Variants in CRKL observed in about 807,000 individuals in gnomAD.
CRKL encodes crk-like protein.
Under a neutral mutation model 23.0 loss-of-function variants are expected in CRKL, and 3 were observed. That is an observed-to-expected ratio of 0.13 (90% CI 0.06 to 0.34). The LOEUF (loss-of-function observed/expected upper bound fraction) is 0.34. Among genes scored for constraint, CRKL ranks in the 10% least tolerant of loss-of-function variants. CRKL has a pLI of 1.00. For synonymous variants in CRKL, 188 were observed against 160.7 expected (o/e 1.17, Z -1.28); for missense variants, 256 against 394.5 (o/e 0.65, Z 2.97).
Position 20,934,127 on chromosome 22 carries a change from C to T in CRKL, c.660C>T (p.Ser220=), listed in dbSNP as rs763765173. Reference sequence around the variant, plus strand: ...CCACAACTCCTCTACCTGCAGTTTCCGGTTCTCCTGGGGCAGCAATCACCC... The same window carrying T: ...CCACAACTCCTCTACCTGCAGTTTCTGGTTCTCCTGGGGCAGCAATCACCC... ...PQTTTPLPAV[S]GSPGAAITPL... The change falls in exon 2 of 3, where the codon TCC becomes TCT. Residue 220 remains serine, a synonymous_variant. Transcript: ENST00000354336. The T allele has an allele frequency of 1.9e-5, 30 of 1,614,060 alleles. No individual in the cohort carries two copies. The highest frequency in any genetic ancestry group is 1.1e-4 in the East Asian group (5 of 44,902).
At chr22:20,927,156 T>C (rs891985826) in intron 1 of CRKL, among the ~76,000 whole-genome samples, 2 of 140,662 alleles carry the variant, frequency 1.4e-5, no homozygotes, top group Non-Finnish European at 3.0e-5. Context: ...TTAAAGCAGT[T>C]TCACTAGAGA....
intron 1 of CRKL, 37 bp from the exon 2 acceptor site, chr22:20,933,742 G>GA (rs772975472): frequency 6.5e-7 from 1 of 1,545,084 alleles, no homozygotes; most frequent in Non-Finnish European, 8.8e-7. Flanking sequence ...CTTAGAGTAA[G>GA]ATTTTTCTCT....
chr22:20,942,676 A>G (rs924057241), intron 2 of CRKL, among the ~76,000 whole-genome samples: 3 of 151,818 alleles, frequency 2.0e-5, no homozygotes, highest in African/African-American at 7.3e-5. Context: ...GCTGGAGTGC[A>G]GTGGCACCAT....
At chr22:20,937,174 A>G (rs1921695580) in intron 2 of CRKL, among the ~76,000 whole-genome samples, 1 of 152,038 alleles carries the variant, frequency 6.6e-6, no homozygotes, top group Non-Finnish European at 1.5e-5. Flanking sequence ...TTTCTCACCC[A>G]CACACAGACC....
intron 2 of CRKL, among the ~76,000 whole-genome samples, chr22:20,936,606 C>T (rs1214526756): frequency 6.6e-6 from 1 of 152,170 alleles, no homozygotes; most frequent in Non-Finnish European, 1.5e-5. Context: ...CCACCTCGGC[C>T]TCCCAAAGTG....
At chr22:20,944,139 CTTTTTTTTT>C (rs57177824) in intron 2 of CRKL, among the ~76,000 whole-genome samples, 2 of 105,846 alleles carry the variant, frequency 1.9e-5, no homozygotes, top group Admixed American at 2.1e-4. Context: ...GTAGTATTAG[CTTTTTTTTT>C]TTTTTTTTTT....
At chr22:20,927,128 A>AAAAAAAAAAAG (rs1555918902) in intron 1 of CRKL, among the ~76,000 whole-genome samples, 7 of 125,792 alleles carry the variant, frequency 5.6e-5, no homozygotes, top group African/African-American at 1.2e-4. Flanking sequence ...AAAAAAAAAA[A>AAAAAAAAAAAG]AAAAAAAAGA....
chr22:20,939,521 C>G (rs1921787484), intron 2 of CRKL, among the ~76,000 whole-genome samples: 1 of 151,994 alleles, frequency 6.6e-6, no homozygotes, highest in Non-Finnish European at 1.5e-5. Context: ...GCTGGGATTA[C>G]AGGCGTGAGC....
intron 1 of CRKL, among the ~76,000 whole-genome samples, chr22:20,918,545 C>T (rs1001362088): frequency 6.6e-6 from 1 of 150,662 alleles, no homozygotes; most frequent in African/African-American, 2.4e-5. Context: ...GTGACTTTCT[C>T]TGGGTGTAAT....
Position 20,950,747 on chromosome 22 carries a change from G to A in CRKL, c.*902G>A. On this transcript the variant is annotated 3_prime_UTR_variant, in exon 3 of 3. Transcript: ENST00000354336. ...TGTGTTCTAAACAGGTTAAGTAGCA[G>A]GTTGGGTTTTTATGATAGTGCAAGG... 1 of 224,420 alleles carries A rather than the reference G, an allele frequency of 4.5e-6. No individual in the cohort carries two copies. Among genetic ancestry groups the A allele is most frequent in the East Asian group, 6.5e-5 (1 of 15,434 alleles). The allele number at this position is 224,420 out of a possible 1,614,324, so 13.9% of individuals were successfully genotyped here.
intron 2 of CRKL, among the ~76,000 whole-genome samples, chr22:20,938,403 G>C (rs968580634): frequency 1.3e-5 from 2 of 152,212 alleles, no homozygotes; most frequent in Non-Finnish European, 2.9e-5. Context: ...CTTGGTATCT[G>C]TAAGGTGAGT....
intron 1 of CRKL, among the ~76,000 whole-genome samples, chr22:20,932,489 G>T (rs1425455015): frequency 6.6e-6 from 1 of 151,926 alleles, no homozygotes; most frequent in Non-Finnish European, 1.5e-5. Context: ...CATTTTCTGT[G>T]TGTCCAGGGA....
intron 2 of CRKL, among the ~76,000 whole-genome samples, chr22:20,935,039 C>A (rs186904186): frequency 6.6e-6 from 1 of 152,164 alleles, no homozygotes; most frequent in East Asian, 1.9e-4. Context: ...TGGTGTCGAT[C>A]TCCTGACCTC....
At chr22:20,927,513 C>CGTTTTT (rs71186694) in intron 1 of CRKL, among the ~76,000 whole-genome samples, 3 of 139,876 alleles carry the variant, frequency 2.1e-5, no homozygotes, top group Admixed American at 7.3e-5. Context: ...AGTTTTCTAC[C>CGTTTTT]TTTTTTTTTT....
chr22:20,939,759 T>C (rs1921797445), intron 2 of CRKL, among the ~76,000 whole-genome samples: 1 of 151,822 alleles, frequency 6.6e-6, no homozygotes, highest in South Asian at 2.1e-4. Flanking sequence ...TTATTGGTCT[T>C]GTCATATGAT....
chr22:20,951,440 T>A lies in CRKL; in HGVS notation c.*1595T>A, dbSNP rs751591534. ...CTGTTAGCTAAAAGAGGCCTGTTCA[T>A]ACAAGCCAACTGGTATATACGTGTG... is the stretch of plus-strand genomic sequence containing the variant. On this transcript the variant is annotated 3_prime_UTR_variant, in exon 3 of 3. Transcript: ENST00000354336. The A allele has an allele frequency of 4.3e-6, 1 of 230,130 alleles. No individual in the cohort carries two copies. Among genetic ancestry groups the A allele is most frequent in the Non-Finnish European group, 8.6e-6 (1 of 116,230 alleles). 14.3% of individuals were successfully genotyped at this position (230,130 alleles called of 1,614,324 possible).
intron 1 of CRKL, among the ~76,000 whole-genome samples, chr22:20,927,937 A>G: frequency 6.7e-6 from 1 of 148,274 alleles, no homozygotes; most frequent in African/African-American, 2.5e-5. Flanking sequence ...CGAGGGAGGC[A>G]GATCACTTGA....
intron 1 of CRKL, among the ~76,000 whole-genome samples, chr22:20,918,597 T>C (rs1429869813): frequency 7.4e-5 from 11 of 149,548 alleles, no homozygotes; most frequent in Non-Finnish European, 1.5e-4. Flanking sequence ...AACCTCTTTT[T>C]TTTTTTTTTT....
intron 2 of CRKL, among the ~76,000 whole-genome samples, 181 bp from the exon 3 acceptor site, chr22:20,949,530 C>T (rs2266956): frequency 0.19 from 29,341 of 152,110 alleles, 3,380 homozygotes; most frequent in East Asian, 0.37. Flanking sequence ...TGAGCCCAGG[C>T]GTTAGAGGTT....
Sources: allele counts gnomAD v4.1 joint callset (sites outside exome capture counted in the v4.1 genomes callset), GRCh38; gene constraint gnomAD v4.1.1; transcripts MANE v1.5; gene names NCBI Gene and HGNC (gene_info 2026-07-23, HGNC 2026-07-21).